Variants in ENTREP2 observed in about 807,000 individuals in gnomAD.
ENTREP2 encodes the protein endosomal transmembrane epsin interactor 2.
chr15:29,390,644 C>G, the ENTREP2 span, among the ~76,000 whole-genome samples: 2 of 152,154 alleles, frequency 1.3e-5, no homozygotes, highest in African/African-American at 4.8e-5. Flanking sequence ...ATAATGGCAT[C>G]CTTAGAGTCA....
the ENTREP2 span, among the ~76,000 whole-genome samples, chr15:29,493,599 GA>G: frequency 3.3e-5 from 5 of 150,850 alleles, no homozygotes; most frequent in Admixed American, 2.0e-4. Context: ...CCAGTGTGCA[GA>G]GTAAGATCCT....
At chr15:29,619,998 T>C in the ENTREP2 span, among the ~76,000 whole-genome samples, 10 of 152,134 alleles carry the variant, frequency 6.6e-5, no homozygotes, top group Non-Finnish European at 1.5e-4. Context: ...TGGTTCTGTG[T>C]CTGTGAAGCC....
chr15:29,384,088 C>A, the ENTREP2 span, among the ~76,000 whole-genome samples: 12 of 152,134 alleles, frequency 7.9e-5, no homozygotes, highest in Non-Finnish European at 1.0e-4. Context: ...GCCTTCTGTA[C>A]CCAACATTTG....
the ENTREP2 span, among the ~76,000 whole-genome samples, chr15:29,647,781 C>A: frequency 6.6e-6 from 1 of 152,120 alleles, no homozygotes; most frequent in Non-Finnish European, 1.5e-5. Flanking sequence ...ACTCAATCCA[C>A]CTTTTAAAGG....
chr15:29,429,736 C>A, the ENTREP2 span, among the ~76,000 whole-genome samples: 1 of 152,110 alleles, frequency 6.6e-6, no homozygotes, highest in African/African-American at 2.4e-5. Context: ...AACTACGGAC[C>A]CCGTAGTTCT....
At chr15:29,411,537 G>A in the ENTREP2 span, among the ~76,000 whole-genome samples, 4 of 152,102 alleles carry the variant, frequency 2.6e-5, no homozygotes, top group Non-Finnish European at 5.9e-5. Flanking sequence ...TGAGTTTTGT[G>A]CCTTTATCCT....
chr15:29,174,624 G>A, the ENTREP2 span, among the ~76,000 whole-genome samples: 4 of 151,966 alleles, frequency 2.6e-5, no homozygotes, highest in Admixed American at 2.6e-4. Flanking sequence ...GGGAGGCGGG[G>A]TCTTGCAGTG....
chr15:29,501,021 C>G, the ENTREP2 span, among the ~76,000 whole-genome samples: 2 of 152,024 alleles, frequency 1.3e-5, no homozygotes, highest in African/African-American at 4.8e-5. Context: ...CAAGAAGAAA[C>G]AGACCTGTAG....
At chr15:29,591,835 A>G in the ENTREP2 span, among the ~76,000 whole-genome samples, 7 of 9,614 alleles carry the variant, frequency 7.3e-4, no homozygotes, top group African/African-American at 1.4e-3. Flanking sequence ...CTCAAAAGAG[A>G]AGAAGAAGAA....
At chr15:29,237,991 A>G in the ENTREP2 span, among the ~76,000 whole-genome samples, 1 of 152,242 alleles carries the variant, frequency 6.6e-6, no homozygotes, top group Non-Finnish European at 1.5e-5. Context: ...AAATGTGCTT[A>G]ATCCACACTA....
the ENTREP2 span, among the ~76,000 whole-genome samples, chr15:29,292,295 CTTCT>C: frequency 4.0e-5 from 6 of 151,584 alleles, no homozygotes; most frequent in East Asian, 7.7e-4. Context: ...CCTTTCTTTC[CTTCT>C]TTTTCTCTTT....
the ENTREP2 span, among the ~76,000 whole-genome samples, chr15:29,619,074 T>C: frequency 0.26 from 39,700 of 152,076 alleles, 6,958 homozygotes; most frequent in African/African-American, 0.49. Flanking sequence ...TGAGTACTCT[T>C]TGTGTGTCAG....
the ENTREP2 span, among the ~76,000 whole-genome samples, chr15:29,249,531 T>C: frequency 2.6e-5 from 4 of 152,330 alleles, no homozygotes; most frequent in Admixed American, 2.0e-4. Flanking sequence ...TGAATTTCTA[T>C]AGTAAATGTA....
At chr15:29,673,138 T>C in the ENTREP2 span, among the ~76,000 whole-genome samples, 4 of 152,164 alleles carry the variant, frequency 2.6e-5, no homozygotes, top group African/African-American at 9.7e-5. Context: ...TTTAGCATGC[T>C]AAACATTATA....
chr15:29,421,269 G>A, the ENTREP2 span, among the ~76,000 whole-genome samples: 1 of 152,208 alleles, frequency 6.6e-6, no homozygotes, highest in Admixed American at 6.5e-5. Flanking sequence ...GCTCTGCAGT[G>A]AATAATATCT....
chr15:29,654,232 A>G, the ENTREP2 span, among the ~76,000 whole-genome samples: 1 of 152,212 alleles, frequency 6.6e-6, no homozygotes. Flanking sequence ...TCTGTGACTA[A>G]CGGTAAAATT....
At chr15:29,534,186 C>T in the ENTREP2 span, among the ~76,000 whole-genome samples, 2 of 145,292 alleles carry the variant, frequency 1.4e-5, no homozygotes, top group Admixed American at 6.9e-5. Context: ...CTCACCGGAA[C>T]GTGGGAGCCA....
At chr15:29,529,827 T>C in the ENTREP2 span, among the ~76,000 whole-genome samples, 4 of 152,298 alleles carry the variant, frequency 2.6e-5, no homozygotes, top group Non-Finnish European at 5.9e-5. Context: ...ATTTTAGATA[T>C]AGCAAAAACT....
chr15:29,243,995 A>C, the ENTREP2 span, among the ~76,000 whole-genome samples: 1 of 152,252 alleles, frequency 6.6e-6, no homozygotes, highest in African/African-American at 2.4e-5. Flanking sequence ...GGGCACCTCA[A>C]GGTAAACTGT....
Sources: gnomAD v4.1 joint callset for allele counts (sites outside exome capture counted in the v4.1 genomes callset) on GRCh38, gnomAD v4.1.1 for gene constraint, MANE v1.5 for transcripts, NCBI Gene and HGNC (gene_info 2026-07-23, HGNC 2026-07-21) for gene names.